The following ADAM12 variants were observed in gnomAD, a reference collection of about 807,000 sequenced individuals.
ADAM12 encodes the protein disintegrin and metalloproteinase domain-containing protein 12.
Under a neutral mutation model 106.4 loss-of-function variants are expected in ADAM12, and 70 were observed. The ratio of observed to expected loss-of-function variants is 0.66; its 90% CI spans 0.54 to 0.80. ADAM12 has a LOEUF of 0.80. ADAM12 is among the 30% of genes least tolerant of loss of function. The pLI, the probability that ADAM12 is intolerant of heterozygous loss-of-function variation, is 0.00. For synonymous variants in ADAM12, 420 were observed against 433.5 expected, an observed-to-expected ratio of 0.97 and a Z score of 0.39; for missense variants, 1,010 against 1,171.9, an observed-to-expected ratio of 0.86 and a Z score of 2.02.
intron 6 of ADAM12, among the ~76,000 whole-genome samples, chr10:126,112,317 G>A (rs1955885050): frequency 6.6e-6 from 1 of 151,228 alleles, no homozygotes; most frequent in Admixed American, 6.6e-5. Context: ...AAACCTGCAC[G>A]TTTTGCACAT....
intron 5 of ADAM12, among the ~76,000 whole-genome samples, chr10:126,125,184 T>G (rs1956183179): frequency 6.6e-6 from 1 of 151,744 alleles, no homozygotes; most frequent in South Asian, 2.1e-4. Flanking sequence ...TCACTCTTGA[T>G]CCTTCATGGC....
At chr10:126,287,334 G>GA (rs1959915323) in intron 2 of ADAM12, among the ~76,000 whole-genome samples, 1 of 152,120 alleles carries the variant, frequency 6.6e-6, no homozygotes, top group South Asian at 2.1e-4. Flanking sequence ...AGAGGGAAAT[G>GA]AAAACATGAC....
intron 21 of ADAM12, among the ~76,000 whole-genome samples, chr10:126,027,928 G>A (rs535074131): frequency 1.4e-4 from 21 of 152,238 alleles, no homozygotes; most frequent in Admixed American, 1.3e-3. Flanking sequence ...TGCAGATGAC[G>A]TGATCCTATA....
At chr10:126,133,316 A>C (rs1035935682) in intron 5 of ADAM12, among the ~76,000 whole-genome samples, 2 of 152,098 alleles carry the variant, frequency 1.3e-5, no homozygotes, top group African/African-American at 4.8e-5. Context: ...CCTGCCTGGT[A>C]GTGGATTTTG....
chr10:126,070,360 C>T (rs1364929222), intron 12 of ADAM12: 1 of 152,220 alleles, frequency 6.6e-6, no homozygotes, highest in Non-Finnish European at 1.5e-5. Flanking sequence ...TACATCACAT[C>T]CCCCCTTACT....
intron 2 of ADAM12, among the ~76,000 whole-genome samples, chr10:126,328,669 C>T (rs1854392700): frequency 6.6e-6 from 1 of 152,194 alleles, no homozygotes; most frequent in African/African-American, 2.4e-5. Flanking sequence ...ACTGGCATTA[C>T]AACAAAATGC....
intron 3 of ADAM12, among the ~76,000 whole-genome samples, chr10:126,246,550 T>C (rs1958634090): frequency 6.6e-6 from 1 of 152,210 alleles, no homozygotes; most frequent in African/African-American, 2.4e-5. Flanking sequence ...TCAAGTAGGC[T>C]TCATCCCTGG....
chr10:126,285,122 C>T (rs1480079858), intron 2 of ADAM12, among the ~76,000 whole-genome samples: 1 of 152,136 alleles, frequency 6.6e-6, no homozygotes, highest in African/African-American at 2.4e-5. Context: ...GACTGAGAGA[C>T]TGGACAGAGG....
chr10:126,212,291 G>T (rs979577528), intron 3 of ADAM12, among the ~76,000 whole-genome samples: 3 of 152,192 alleles, frequency 2.0e-5, no homozygotes, highest in Admixed American at 1.3e-4. Flanking sequence ...CACAGCTGGG[G>T]TTAATTAGAA....
At chr10:126,377,206 C>T (rs1856323483) in intron 1 of ADAM12, among the ~76,000 whole-genome samples, 1 of 152,154 alleles carries the variant, frequency 6.6e-6, no homozygotes, top group Non-Finnish European at 1.5e-5. Context: ...CCCTCTGCAC[C>T]ACCACATACC....
At chr10:126,248,648 GGTATGTATGTATGTAT>G (rs144495308) in intron 3 of ADAM12, among the ~76,000 whole-genome samples, 43 of 148,094 alleles carry the variant, frequency 2.9e-4, no homozygotes, top group South Asian at 6.5e-4. Flanking sequence ...GAGCCTCACA[GGTATGTATGTATGTAT>G]GTATGTATGT....
intron 11 of ADAM12, among the ~76,000 whole-genome samples, chr10:126,085,548 A>G (rs1387327952): frequency 2.6e-5 from 4 of 151,810 alleles, no homozygotes; most frequent in South Asian, 4.2e-4. Flanking sequence ...CTATCTATCC[A>G]TTATCCATTT....
chr10:126,260,048 A>C (rs1330596660), intron 3 of ADAM12, among the ~76,000 whole-genome samples: 1 of 152,166 alleles, frequency 6.6e-6, no homozygotes, highest in Non-Finnish European at 1.5e-5. Flanking sequence ...AAGGTCAGCC[A>C]CCACCTCAAG....
At chr10:126,372,514 GC>G (rs1410887900) in intron 1 of ADAM12, among the ~76,000 whole-genome samples, 1 of 152,168 alleles carries the variant, frequency 6.6e-6, no homozygotes, top group Non-Finnish European at 1.5e-5. Context: ...CAGAATTCTG[GC>G]CATGATCCAA....
At chr10:126,281,548 TA>T (rs1250429702) in intron 2 of ADAM12, among the ~76,000 whole-genome samples, 3 of 152,210 alleles carry the variant, frequency 2.0e-5, no homozygotes, top group Non-Finnish European at 4.4e-5. Flanking sequence ...GATCTTTATG[TA>T]CATTAGTTGA....
In ADAM12 at chr10:126,119,532, G is replaced by T. The variant is rs189623260; in HGVS notation, c.417-1308C>A. Among the ~76,000 whole-genome samples the T allele has an allele frequency of 2.2e-3, 342 of 152,220 alleles. 3 individuals are homozygous for T. Among genetic ancestry groups the T allele is most frequent in the African/African-American group, 6.9e-3 (285 of 41,500 alleles). ...ATTTTGTTAACCCATCTGCTCATAGGAATACTGGTCACTCATGGCTCTGTG... is the reference window on the plus strand; with the variant it reads ...ATTTTGTTAACCCATCTGCTCATAGTAATACTGGTCACTCATGGCTCTGTG... On this transcript the variant is annotated intron_variant, in intron 5 of 22. Coordinates refer to ENST00000448723, the MANE Select transcript of ADAM12 (RefSeq NM_001288973.2).
chr10:126,323,362 G>C (rs1854173945), intron 2 of ADAM12, among the ~76,000 whole-genome samples: 2 of 152,184 alleles, frequency 1.3e-5, no homozygotes, highest in Admixed American at 6.5e-5. Flanking sequence ...TCTTGGCACA[G>C]AGCTACACTT....
At chr10:126,052,831 A>T (rs1051460613) in intron 14 of ADAM12, among the ~76,000 whole-genome samples, 25 of 152,228 alleles carry the variant, frequency 1.6e-4, no homozygotes, top group African/African-American at 5.8e-4. Flanking sequence ...GTAATCAAGT[A>T]TAAAAGCATT....
intron 3 of ADAM12, among the ~76,000 whole-genome samples, chr10:126,181,369 G>A (rs1957309308): frequency 6.6e-6 from 1 of 151,772 alleles, no homozygotes; most frequent in Admixed American, 6.6e-5. Flanking sequence ...ATCACGCCAA[G>A]CCTACACAGG....
Sources: gnomAD v4.1 joint callset for allele counts (sites outside exome capture counted in the v4.1 genomes callset) on GRCh38, gnomAD v4.1.1 for gene constraint, MANE v1.5 for transcripts, NCBI Gene and HGNC (gene_info 2026-07-23, HGNC 2026-07-21) for gene names.